Variants in ASH1L observed in about 807,000 individuals in gnomAD.
ASH1L encodes the protein histone-lysine N-methyltransferase ASH1L.
A neutral mutation model predicts 269.0 loss-of-function variants in ASH1L; 23 were observed. The ratio of observed to expected loss-of-function variants is 0.09; its 90% CI spans 0.06 to 0.12. ASH1L has a LOEUF of 0.12. Among genes scored for constraint, ASH1L ranks in the 10% least tolerant of loss-of-function variants. The probability of loss-of-function intolerance (pLI) is 1.00; values close to 1 mark genes in which losing one functional copy is unlikely to be tolerated. For missense variants in ASH1L, 2,912 were observed against 3,567.8 expected (o/e 0.82, Z 4.68); for synonymous variants, 1,187 against 1,253.5 (o/e 0.95, Z 1.12).
intron 19 of ASH1L, among the ~76,000 whole-genome samples, chr1:155,348,939 CACACACAT>C (rs1653626321): frequency 1.3e-5 from 2 of 149,822 alleles, no homozygotes; most frequent in African/African-American, 4.9e-5. Flanking sequence ...CACACACACA[CACACACAT>C]ATAAACATTT....
chr1:155,409,173 A>C (rs1203947259), intron 6 of ASH1L, among the ~76,000 whole-genome samples: 2 of 152,018 alleles, frequency 1.3e-5, no homozygotes, highest in Non-Finnish European at 2.9e-5. Context: ...TACAGGTTGC[A>C]TGTCACCAGG....
intron 5 of ASH1L, chr1:155,433,513 C>T: frequency 6.2e-7 from 1 of 1,609,870 alleles, no homozygotes; most frequent in African/African-American, 1.3e-5. Flanking sequence ...ATGGCACCTC[C>T]CTGGAGCCCT....
rs1174121508 is a variant in ASH1L, at chr1:155,401,253, G to C, written c.6009-5700C>G. On this transcript the variant is annotated intron_variant, in intron 6 of 27. Coordinates refer to ENST00000392403, the MANE Select transcript of ASH1L (RefSeq NM_018489.3). ...GCACTTTGGGAGGCCAAGGCAGGCG[G>C]ATCACTTGAGGTCAGGAGTTCAAAA... Among the ~76,000 whole-genome samples the C allele has an allele frequency of 4.6e-5, 7 of 152,196 alleles. No individual in the cohort carries two copies. In the East Asian group the frequency reaches 1.4e-3, roughly 29 times the overall value.
chr1:155,447,634 C>T (rs1663136500), intron 4 of ASH1L, among the ~76,000 whole-genome samples: 1 of 152,176 alleles, frequency 6.6e-6, no homozygotes, highest in African/African-American at 2.4e-5. Flanking sequence ...ATGTTGAATA[C>T]CTATGCCTGT....
Position 155,562,512 on chromosome 1 carries a change from C to A in ASH1L, c.-459G>T. 1 of 1,499,238 alleles carries A rather than the reference C, an allele frequency of 6.7e-7. No homozygotes were observed. 92.9% of individuals were successfully genotyped at this position (1,499,238 alleles called of 1,614,324 possible). A position where few individuals can be genotyped will look rare whatever the true frequency, so the allele number is the denominator to read the frequency against. On this transcript the variant is annotated 5_prime_UTR_variant, in exon 1 of 28. Coordinates refer to ENST00000392403, the MANE Select transcript of ASH1L (RefSeq NM_018489.3). ...GGGAGGGAGCGAAGGGCGCCTAGCGCCCCCCTCAACCTTCCACTCCTTCCT... is the reference window on the plus strand; with the variant it reads ...GGGAGGGAGCGAAGGGCGCCTAGCGACCCCCTCAACCTTCCACTCCTTCCT...
intron 16 of ASH1L, 29 bp downstream of exon 16, chr1:155,354,443 CA>C: frequency 1.3e-5 from 20 of 1,591,874 alleles, no homozygotes; most frequent in South Asian, 3.4e-5. Flanking sequence ...AACTCTGTCT[CA>C]AAAAAAAGAA....
Position 155,357,738 on chromosome 1 carries a change from C to T in ASH1L, c.6807G>A (p.Lys2269=). 1.9e-6 allele frequency: 3 copies of T among 1,610,198 alleles called. No individual in the cohort carries two copies. Among genetic ancestry groups the T allele is most frequent in the South Asian group, 1.1e-5 (1 of 89,706 alleles). ...TTCCTCGACATTTCTCAAAGCCACACTTACAAAGTTGCTTTGAAGGGAGAG... is the reference window on the plus strand; with the variant it reads ...TTCCTCGACATTTCTCAAAGCCACATTTACAAAGTTGCTTTGAAGGGAGAG... ...SFNVEKQQLC[K]CGFEKCRGII... Residue 2269 remains lysine (K), a synonymous_variant, in exon 14 of 28, where the codon AAG becomes AAA. Transcript: ENST00000392403.
At position 155,352,869 on chromosome 1, in the gene ASH1L, A is replaced by C; in HGVS notation, c.7214-11T>G. On this transcript the variant is annotated splice_polypyrimidine_tract_variant and intron_variant, in intron 16 of 27. Transcript: ENST00000392403. ...GGGTCATGAAGACATCTGGAAAAAT[A>C]AAGTGAAAATTAAGTTACAGGAAAC... The C allele has an allele frequency of 6.3e-7, 1 of 1,584,418 alleles. No individual in the cohort carries two copies. The highest frequency in any genetic ancestry group is 8.6e-7 in the Non-Finnish European group (1 of 1,168,774).
chr1:155,364,663 G>A (rs924653386), intron 12 of ASH1L, among the ~76,000 whole-genome samples: 6 of 151,876 alleles, frequency 4.0e-5, no homozygotes, highest in Admixed American at 2.0e-4. Context: ...TGTCAGGCCC[G>A]GCATGGTGGC....
chr1:155,497,311 T>C (rs1667214058), intron 2 of ASH1L, among the ~76,000 whole-genome samples: 1 of 152,180 alleles, frequency 6.6e-6, no homozygotes, highest in African/African-American at 2.4e-5. Context: ...TGAAATATGG[T>C]ATATACAACT....
chr1:155,478,730 T>A lies in ASH1L; in HGVS notation c.4140A>T (p.Pro1380=), dbSNP rs1441140939. The A allele has an allele frequency of 7.4e-6, 12 of 1,614,048 alleles. No individual in the cohort carries two copies. The highest frequency in any genetic ancestry group is 9.3e-6 in the Non-Finnish European group (11 of 1,180,012). Residue 1380 remains proline, a synonymous_variant, in exon 3 of 28, where the codon CCA becomes CCT. Coordinates refer to ENST00000392403, the MANE Select transcript of ASH1L (RefSeq NM_018489.3). This position sits in a 1 kb window ranked among gnomAD's most constrained non-coding sequence, Gnocchi z 4.6. ...SFPLSSTGFY[P]SYGMPYSPSP... Reference sequence around the variant, plus strand: ...AAGGAGAGTAAGGCATACCATAAGATGGATAGAATCCAGTACTAGAAAGAG... The same window carrying A: ...AAGGAGAGTAAGGCATACCATAAGAAGGATAGAATCCAGTACTAGAAAGAG...
intron 1 of ASH1L, among the ~76,000 whole-genome samples, chr1:155,542,765 C>T (rs991032574): frequency 6.7e-6 from 1 of 150,350 alleles, no homozygotes; most frequent in Non-Finnish European, 1.5e-5. Flanking sequence ...CTGCAACCTC[C>T]ACCTCCCAGG....
At chr1:155,512,942 G>A (rs551296417) in intron 2 of ASH1L, among the ~76,000 whole-genome samples, 9 of 151,756 alleles carry the variant, frequency 5.9e-5, no homozygotes, top group African/African-American at 1.7e-4. Flanking sequence ...CTGTAGCCGC[G>A]GCTTCTTGGG....
chr1:155,424,952 C>T (rs1304802813), intron 5 of ASH1L, among the ~76,000 whole-genome samples: 1 of 151,558 alleles, frequency 6.6e-6, no homozygotes, highest in Non-Finnish European at 1.5e-5. Flanking sequence ...TATAGACACC[C>T]ACCACCTCAC....
At chr1:155,489,602 C>G (rs1038582002) in intron 2 of ASH1L, among the ~76,000 whole-genome samples, 3 of 151,126 alleles carry the variant, frequency 2.0e-5, no homozygotes, top group African/African-American at 7.3e-5. Flanking sequence ...ACGAAAAATA[C>G]AAAAAATTAG....
chr1:155,358,460 C>T (rs767841889), intron 13 of ASH1L, among the ~76,000 whole-genome samples: 33 of 151,482 alleles, frequency 2.2e-4, no homozygotes, highest in Admixed American at 2.6e-4. Flanking sequence ...CCAAGGCGGG[C>T]GGATCACAAG....
In ASH1L at chr1:155,370,809, G is replaced by A. The variant is rs990702883; in HGVS notation, c.6507C>T (p.Tyr2169=). 4 of 1,613,966 alleles carry A rather than the reference G, an allele frequency of 2.5e-6. No individual in the cohort carries two copies. The highest frequency in any genetic ancestry group is 1.6e-4 in the Middle Eastern group (1 of 6,084). Residue 2169 remains tyrosine, a synonymous_variant, in exon 11 of 28, where the codon TAC becomes TAT. Transcript: ENST00000392403. ...PLKAGQFIIE[Y]LGEVVSEQEF... is the part of the protein sequence containing the mutation. The stretch of plus-strand genomic sequence containing the variant: ...CCTGTTCACTGACGACCTCCCCTAG[G>A]TATTCAATGATGAACTGCCCAGCTT...
chr1:155,394,020 T>C (rs886653824), intron 7 of ASH1L, among the ~76,000 whole-genome samples: 1 of 152,128 alleles, frequency 6.6e-6, no homozygotes, highest in Non-Finnish European at 1.5e-5. Flanking sequence ...GAGAGTGATG[T>C]TATCTAGAAC....
intron 6 of ASH1L, among the ~76,000 whole-genome samples, chr1:155,412,109 G>A (rs1659858683): frequency 6.6e-6 from 1 of 152,042 alleles, no homozygotes; most frequent in Non-Finnish European, 1.5e-5. Context: ...GGGCATGGCG[G>A]TGTGTGCCTG....
Sources: gnomAD v4.1 joint callset for allele counts (sites outside exome capture counted in the v4.1 genomes callset) on GRCh38, gnomAD v4.1.1 for gene constraint, Gnocchi (gnomAD v3.1) non-coding constraint, MANE v1.5 for transcripts, NCBI Gene and HGNC (gene_info 2026-07-23, HGNC 2026-07-21) for gene names.